TTC6: variants seen among roughly 807,000 people sequenced by gnomAD.
TTC6 encodes the protein tetratricopeptide repeat protein 6.
TTC6 carries 172 observed loss-of-function variants against 210.4 expected under a neutral mutation model. The observed-to-expected ratio is 0.82, with a 90% confidence interval of 0.72 to 0.93. TTC6 has a LOEUF of 0.93. Ranked by LOEUF, TTC6 falls within the 40% of genes least tolerant of loss-of-function variation. The pLI, the probability that TTC6 is intolerant of heterozygous loss-of-function variation, is 0.00. For synonymous variants in TTC6, 804 were observed against 819.6 expected, an observed-to-expected ratio of 0.98 and a Z score of 0.32; for missense variants, 2,414 against 2,318.1, an observed-to-expected ratio of 1.04 and a Z score of -0.85.
At chr14:37,734,480 C>A (rs772277825) in intron 7 of TTC6, among the ~76,000 whole-genome samples, 14 of 152,176 alleles carry the variant, frequency 9.2e-5, no homozygotes, top group Non-Finnish European at 1.6e-4. Flanking sequence ...TGTCTTTTCT[C>A]AGATTTTGGC....
chr14:37,699,459 A>C (rs563128137), intron 4 of TTC6, among the ~76,000 whole-genome samples: 20 of 152,338 alleles, frequency 1.3e-4, no homozygotes, highest in African/African-American at 4.8e-4. Context: ...CTTAATCACT[A>C]TGCTAGAAGT....
At chr14:37,734,922 T>A (rs7158137) in intron 7 of TTC6, among the ~76,000 whole-genome samples, 6,250 of 152,248 alleles carry the variant, frequency 0.041, 310 homozygotes, top group East Asian at 0.17. Flanking sequence ...AGCATTCTTT[T>A]AAATATGTAA....
At chr14:37,630,867 T>C (rs1043547790) in intron 1 of TTC6, among the ~76,000 whole-genome samples, 2 of 150,564 alleles carry the variant, frequency 1.3e-5, no homozygotes, top group South Asian at 2.1e-4. Context: ...TCTTTGTTGG[T>C]TTAAAGTCTG....
intron 1 of TTC6, among the ~76,000 whole-genome samples, chr14:37,630,909 T>TTTTTTTTTG: frequency 3.2e-5 from 1 of 31,254 alleles, no homozygotes; most frequent in Non-Finnish European, 6.6e-5. Flanking sequence ...CAACCCCTGT[T>TTTTTTTTTG]TTTTTTTTTT....
chr14:37,704,182 G>A (rs1009344916), intron 5 of TTC6, among the ~76,000 whole-genome samples: 2 of 152,032 alleles, frequency 1.3e-5, no homozygotes, highest in African/African-American at 4.8e-5. Context: ...GAACTCCTGG[G>A]CTCCTCCCAC....
intron 7 of TTC6, among the ~76,000 whole-genome samples, chr14:37,726,310 G>A (rs1419363808): frequency 6.6e-6 from 1 of 152,128 alleles, no homozygotes; most frequent in Non-Finnish European, 1.5e-5. Context: ...AAGAAATTCA[G>A]TTCATGTATG....
chr14:37,695,140 A>G (rs1037278419), intron 3 of TTC6, among the ~76,000 whole-genome samples: 1 of 152,062 alleles, frequency 6.6e-6, no homozygotes, highest in Non-Finnish European at 1.5e-5. Flanking sequence ...CAGGCACAGA[A>G]AGACAAACAT....
intron 3 of TTC6, among the ~76,000 whole-genome samples, chr14:37,685,854 T>A (rs757820681): frequency 5.9e-5 from 9 of 152,124 alleles, no homozygotes; most frequent in Non-Finnish European, 1.3e-4. Context: ...CTTTTATATT[T>A]TTTTAAGTGT....
At chr14:37,651,425 ATTTTTTTTTTTTTTTTTT>A (rs55775703) in intron 1 of TTC6, among the ~76,000 whole-genome samples, 5 of 23,914 alleles carry the variant, frequency 2.1e-4, no homozygotes, top group South Asian at 2.0e-3. Context: ...ATATATATAT[ATTTTTTTTTTTTTTTTTT>A]TTTTTTTTTT....
chr14:37,749,501 T>C, intron 11 of TTC6, 100 bp downstream of exon 13: 1 of 1,242,962 alleles, frequency 8.0e-7, no homozygotes, highest in South Asian at 2.2e-5. Flanking sequence ...ATGTTTATAG[T>C]ATAGCATGTG....
chr14:37,788,217 A>G (rs1187376804), intron 15 of TTC6, among the ~76,000 whole-genome samples: 1 of 152,190 alleles, frequency 6.6e-6, no homozygotes, highest in Non-Finnish European at 1.5e-5. Flanking sequence ...CTCCTGGTTT[A>G]TGCATGTGCC....
chr14:37,732,614 G>A (rs1595168199), intron 7 of TTC6, among the ~76,000 whole-genome samples: 1 of 139,994 alleles, frequency 7.1e-6, no homozygotes, highest in Middle Eastern at 3.7e-3. Context: ...TCACTTTGTT[G>A]TCTTTTATTT....
At chr14:37,612,120 G>C (rs2095635794) in intron 2 of TTC6, among the ~76,000 whole-genome samples, 1 of 152,114 alleles carries the variant, frequency 6.6e-6, no homozygotes, top group African/African-American at 2.4e-5. Flanking sequence ...CAAGGTACAG[G>C]CATACAATTT....
intron 22 of TTC6, among the ~76,000 whole-genome samples, 181 bp from the exon 25 acceptor site, chr14:37,807,139 A>G (rs967022842): frequency 6.6e-6 from 1 of 152,172 alleles, no homozygotes; most frequent in African/African-American, 2.4e-5. Flanking sequence ...GGTATTTATC[A>G]TTCTTTCAAT....
intron 1 of TTC6, among the ~76,000 whole-genome samples, chr14:37,597,388 G>A (rs1204233750): frequency 6.6e-6 from 1 of 151,922 alleles, no homozygotes; most frequent in Non-Finnish European, 1.5e-5. Flanking sequence ...ATTTTCTACC[G>A]AGAGTAACAA....
chr14:37,757,850 G>T (rs2095972672), intron 14 of TTC6, among the ~76,000 whole-genome samples: 2 of 151,210 alleles, frequency 1.3e-5, no homozygotes, highest in Admixed American at 1.3e-4. Context: ...CTTAACTTTA[G>T]CTGTGTCCCA....
At chr14:37,602,892 C>T (rs1184415204) in intron 1 of TTC6, among the ~76,000 whole-genome samples, 1 of 152,130 alleles carries the variant, frequency 6.6e-6, no homozygotes, top group Admixed American at 6.5e-5. Context: ...CTTCTCACCC[C>T]ACTGGCCTCC....
chr14:37,666,135 G>A (rs758219237), intron 1 of TTC6, among the ~76,000 whole-genome samples: 3 of 150,292 alleles, frequency 2.0e-5, no homozygotes, highest in Admixed American at 6.6e-5. Context: ...TCCTGTGGAG[G>A]GGTGAGGGCA....
At chr14:37,816,456 C>G (rs2096142119) in intron 25 of TTC6, among the ~76,000 whole-genome samples, 1 of 152,166 alleles carries the variant, frequency 6.6e-6, no homozygotes, top group South Asian at 2.1e-4. Context: ...TTTCTGCTGT[C>G]TGGCTTCCAG....
Sources: gnomAD v4.1 joint callset for allele counts (sites outside exome capture counted in the v4.1 genomes callset) on GRCh38, gnomAD v4.1.1 for gene constraint, MANE v1.5 for transcripts, NCBI Gene and HGNC (gene_info 2026-07-23, HGNC 2026-07-21) for gene names.